The following FTO variants were observed in gnomAD, a reference collection of about 807,000 sequenced individuals.
FTO encodes the protein FTO alpha-ketoglutarate dependent dioxygenase, also known as alpha-ketoglutarate-dependent dioxygenase FTO.
Under a neutral mutation model 63.9 loss-of-function variants are expected in FTO, and 47 were observed. That is an observed-to-expected ratio of 0.74 (90% CI 0.58 to 0.94). The LOEUF is 0.94. Among genes scored for constraint, FTO ranks in the 40% least tolerant of loss-of-function variants. FTO has a pLI of 0.00. For synonymous variants in FTO, 207 were observed against 224.4 expected, an observed-to-expected ratio of 0.92 and a Z score of 0.69; for missense variants, 562 against 618.1, an observed-to-expected ratio of 0.91 and a Z score of 0.96.
At chr16:54,001,690 T>C (rs1289052946) in intron 8 of FTO, among the ~76,000 whole-genome samples, 1 of 152,214 alleles carries the variant, frequency 6.6e-6, no homozygotes, top group Non-Finnish European at 1.5e-5. Flanking sequence ...AAGCATAGGA[T>C]AGAGCTCATC....
At chr16:53,872,779 C>T (rs1458156599) in intron 4 of FTO, among the ~76,000 whole-genome samples, 1 of 152,090 alleles carries the variant, frequency 6.6e-6, no homozygotes, top group East Asian at 1.9e-4. Flanking sequence ...TGGTTTAAGT[C>T]ATTATCTTTT....
rs2082546830 is a variant in FTO at position 53,942,234 on chromosome 16, A to G, written c.1364+8125A>G. The stretch of plus-strand genomic sequence containing the variant: ...AGCCTTGAAACTGGAAGTAAGGAGA[A>G]ATCTCTACTATGCAGTTCTCTGGTG... On this transcript the variant is annotated intron_variant, in intron 8 of 8. Transcript: ENST00000471389. 2.6e-5 allele frequency among the ~76,000 whole-genome samples: 4 copies of G among 152,278 alleles called. No homozygotes were observed. The South Asian group carries it at 8.3e-4, about 32-fold the overall frequency.
At position 53,775,926 on chromosome 16, in the gene FTO, C is replaced by G. The variant is rs181907019; in HGVS notation, c.46-34214C>G. Among the ~76,000 whole-genome samples, 637 of 152,132 alleles carry G rather than the reference C, an allele frequency of 4.2e-3. 1 individual carries two copies. Among genetic ancestry groups the G allele is most frequent in the Non-Finnish European group, 7.0e-3 (473 of 67,992 alleles). ...AGTTTTCTTTTTATGACTATATACT[C>G]TCCGCTCCTTTTTATGTCGACAATG... is the stretch of plus-strand genomic sequence containing the variant. On this transcript the variant is annotated intron_variant, in intron 1 of 8. Transcript: ENST00000471389.
chr16:53,752,286 A>T (rs1234382466), intron 1 of FTO, among the ~76,000 whole-genome samples: 1 of 152,180 alleles, frequency 6.6e-6, no homozygotes, highest in Non-Finnish European at 1.5e-5. Flanking sequence ...TTGGGAGGCA[A>T]AGATTGGGCT....
intron 1 of FTO, among the ~76,000 whole-genome samples, chr16:53,755,736 T>C (rs2076908818): frequency 6.6e-6 from 1 of 152,162 alleles, no homozygotes; most frequent in Admixed American, 6.5e-5. Context: ...AGGTGTACTA[T>C]GGGAGTCTCT....
At chr16:53,795,208 C>T (rs1598679430) in intron 1 of FTO, among the ~76,000 whole-genome samples, 1 of 152,106 alleles carries the variant, frequency 6.6e-6, no homozygotes, top group South Asian at 2.1e-4. Context: ...TTAGACCTCA[C>T]ACAATTAAAA....
intron 8 of FTO, among the ~76,000 whole-genome samples, chr16:54,072,851 T>C (rs2085901956): frequency 6.6e-6 from 1 of 152,194 alleles, no homozygotes; most frequent in South Asian, 2.1e-4. Flanking sequence ...CCCTTGTTTT[T>C]ACCATCTGCC....
chr16:53,864,082 A>G (rs981819793), intron 4 of FTO, among the ~76,000 whole-genome samples: 3 of 152,124 alleles, frequency 2.0e-5, no homozygotes, highest in Non-Finnish European at 4.4e-5. Context: ...TTCATTGGCT[A>G]TCAAATTCTG....
intron 8 of FTO, among the ~76,000 whole-genome samples, chr16:53,994,688 A>G (rs1459609265): frequency 6.6e-6 from 1 of 151,474 alleles, no homozygotes; most frequent in Non-Finnish European, 1.5e-5. Context: ...TTACCATGTC[A>G]TAGTCTCCAA....
chr16:53,987,388 C>T (rs1343826574), intron 8 of FTO, among the ~76,000 whole-genome samples: 3 of 152,000 alleles, frequency 2.0e-5, no homozygotes, highest in African/African-American at 7.2e-5. Context: ...CAAGATCAGC[C>T]TAGCCAATGT....
intron 8 of FTO, among the ~76,000 whole-genome samples, chr16:53,961,003 C>T (rs933048583): frequency 2.0e-5 from 3 of 152,154 alleles, no homozygotes; most frequent in Non-Finnish European, 2.9e-5. Flanking sequence ...GGATCTAGGA[C>T]GGTGTCCAGA....
chr16:53,885,010 C>T (rs568245296), intron 6 of FTO, among the ~76,000 whole-genome samples: 44 of 152,298 alleles, frequency 2.9e-4, no homozygotes, highest in African/African-American at 1.1e-3. Flanking sequence ...CTTTGGCGGC[C>T]TACAACTCTG....
Position 53,713,063 on chromosome 16 carries a change from G to A in FTO, c.45+8834G>A, listed in dbSNP as rs556048151. Among the ~76,000 whole-genome samples, 3 of 152,024 alleles carry A rather than the reference G, an allele frequency of 2.0e-5. No individual in the cohort carries two copies. In the South Asian group the frequency reaches 6.2e-4, roughly 31 times the overall value. On this transcript the variant is annotated intron_variant, in intron 1 of 8. Transcript: ENST00000471389. ...ACAATGAATGAATGAATTCCCAAGA[G>A]CATCACTTGTTATTGGTCAGTAGAC...
rs1272411581 is a variant in FTO, at chr16:54,114,380, T to C, written c.*2465T>C. ...ATATATGTGTGTGACTATTGAACTC[T>C]ATTCGTAGACTGCTTGTACTAATGT... On this transcript the variant is annotated 3_prime_UTR_variant, in exon 9 of 9. Coordinates refer to ENST00000471389, the MANE Select transcript of FTO (RefSeq NM_001080432.3). 6.6e-6 allele frequency: 1 copy of C among 152,210 alleles called. No homozygotes were observed. Among genetic ancestry groups the C allele is most frequent in the Non-Finnish European group, 1.5e-5 (1 of 68,048 alleles). 9.4% of individuals were successfully genotyped at this position (152,210 alleles called of 1,614,324 possible).
chr16:53,839,815 ATTTAT>A (rs2079419495), intron 3 of FTO, among the ~76,000 whole-genome samples: 1 of 49,108 alleles, frequency 2.0e-5, no homozygotes, highest in Non-Finnish European at 4.7e-5. Flanking sequence ...TTATTTATTT[ATTTAT>A]TTTAAGGTGC....
rs566423330 is a variant in FTO at position 54,048,581 on chromosome 16, G to A, written c.1365-63181G>A. Among the ~76,000 whole-genome samples the A allele has an allele frequency of 2.0e-5, 3 of 152,290 alleles. No homozygotes were observed. The East Asian group carries it at 5.8e-4, about 29-fold the overall frequency. ...AGATCACTTCAGGAAAAAGAAAAAA[G>A]CATATGTTACTTATTGTTTTGGGTG... On this transcript the variant is annotated intron_variant, in intron 8 of 8. Coordinates refer to ENST00000471389, the MANE Select transcript of FTO (RefSeq NM_001080432.3).
intron 8 of FTO, among the ~76,000 whole-genome samples, chr16:54,090,690 G>A (rs767678097): frequency 2.6e-5 from 4 of 152,272 alleles, no homozygotes; most frequent in Admixed American, 6.5e-5. Flanking sequence ...AAATCACCCC[G>A]AAATGTAGTG....
intron 8 of FTO, among the ~76,000 whole-genome samples, chr16:54,001,604 A>G (rs1445871968): frequency 2.0e-5 from 3 of 152,186 alleles, no homozygotes; most frequent in African/African-American, 7.2e-5. Context: ...TGTGAGTATA[A>G]TTTTGATTTT....
chr16:53,909,343 G>T (rs1293365669), intron 7 of FTO, among the ~76,000 whole-genome samples: 1 of 152,160 alleles, frequency 6.6e-6, no homozygotes, highest in Admixed American at 6.5e-5. Context: ...AATAAGGCAT[G>T]ATGTGCAGTG....
Sources: gnomAD v4.1 joint callset for allele counts (sites outside exome capture counted in the v4.1 genomes callset) on GRCh38, gnomAD v4.1.1 for gene constraint, MANE v1.5 for transcripts, NCBI Gene and HGNC (gene_info 2026-07-23, HGNC 2026-07-21) for gene names.